The following PARN variants were observed in gnomAD, a reference collection of about 807,000 sequenced individuals.
PARN encodes poly(A)-specific ribonuclease.
In PARN, 71 loss-of-function variants were observed where a neutral mutation model predicts 102.8. The observed-to-expected ratio is 0.69, with a 90% CI of 0.57 to 0.84. The LOEUF (loss-of-function observed/expected upper bound fraction) is 0.84. PARN is among the 40% of genes least tolerant of loss of function. The pLI, the probability that PARN is intolerant of heterozygous loss-of-function variation, is 0.00. For missense variants in PARN, 782 were observed against 760.9 expected (o/e 1.03, Z -0.33); for synonymous variants, 261 against 252.9 (o/e 1.03, Z -0.30).
intron 3 of PARN, 148 bp downstream of exon 3, chr16:14,628,024 A>G (rs533733456): frequency 3.9e-6 from 1 of 257,234 alleles, no homozygotes; most frequent in African/African-American, 2.4e-5. Context: ...AAGACAAAAC[A>G]AAAAAAAAAA....
chr16:14,584,657 C>T (rs1005180721), intron 15 of PARN, 92 bp downstream of exon 15: 1 of 937,374 alleles, frequency 1.1e-6, no homozygotes. Context: ...CATTAAATAC[C>T]TCCAAACCTT....
chr16:14,564,407 G>A (rs922241565), intron 18 of PARN, among the ~76,000 whole-genome samples: 2 of 152,202 alleles, frequency 1.3e-5, no homozygotes, highest in African/African-American at 2.4e-5. Flanking sequence ...AAGGCAACAG[G>A]AACAACACGC....
rs1963397145 is a variant in PARN, at chr16:14,481,758, C to T, written c.1670+880G>A. 3.3e-5 allele frequency among the ~76,000 whole-genome samples: 5 copies of T among 152,092 alleles called. No homozygotes were observed. The South Asian group carries it at 8.3e-4, about 25-fold the overall frequency. On this transcript the variant is annotated intron_variant, in intron 22 of 23. Coordinates refer to ENST00000437198, the MANE Select transcript of PARN (RefSeq NM_002582.4). ...TTTTCTCTTGTTAATTCACATTGTT[C>T]TAAACTTCACAATTTTCTATAATGA...
chr16:14,625,419 C>T (rs998143724), intron 5 of PARN, among the ~76,000 whole-genome samples: 3 of 152,100 alleles, frequency 2.0e-5, no homozygotes, highest in Non-Finnish European at 4.4e-5. Flanking sequence ...ATCGCTTCCA[C>T]CCAGGAGGCA....
chr16:14,584,475 A>T (rs1969721762), intron 15 of PARN, 53 bp from the exon 16 acceptor site: 3 of 1,417,678 alleles, frequency 2.1e-6, no homozygotes. Flanking sequence ...AGAACAATAT[A>T]TTAAAGAGAT....
chr16:14,452,460 T>C (rs1012304539), intron 22 of PARN, among the ~76,000 whole-genome samples: 1 of 152,162 alleles, frequency 6.6e-6, no homozygotes, highest in Non-Finnish European at 1.5e-5. Context: ...GTAACCTCCA[T>C]CTCCATGGTT....
chr16:14,457,797 CAAAAAAAAAAAA>C lies in PARN; in HGVS notation c.1671-10728_1671-10717del, dbSNP rs35170336. Among the ~76,000 whole-genome samples the C allele has an allele frequency of 8.0e-4, 24 of 30,160 alleles. No homozygotes were observed. The East Asian group carries it at 0.019, about 24-fold the overall frequency. The allele number at this position is 30,160 out of a possible 152,430, so 19.8% of individuals were successfully genotyped here. A position where few individuals can be genotyped will look rare whatever the true frequency, so the allele number is the denominator to read the frequency against. On this transcript the variant is annotated intron_variant, in intron 22 of 23. Transcript: ENST00000437198. ...TGGGGGACACAGTGAGACTCTGTCT[CAAAAAAAAAAAA>C]AAAAAAAAAAAAAAAAGAGTCTGTA...
chr16:14,610,574 G>C (rs1489507744), intron 7 of PARN, 70 bp downstream of exon 7: 3 of 904,496 alleles, frequency 3.3e-6, no homozygotes, highest in Non-Finnish European at 5.5e-6. Context: ...GCACAGGTTT[G>C]AGATATAGAT....
chr16:14,519,502 T>C (rs1364514279), intron 21 of PARN, among the ~76,000 whole-genome samples: 1 of 152,142 alleles, frequency 6.6e-6, no homozygotes, highest in African/African-American at 2.4e-5. Context: ...TTTGTAGAAG[T>C]GCTGATTCCA....
chr16:14,506,273 A>T (rs1025360088), intron 21 of PARN, among the ~76,000 whole-genome samples: 3 of 152,272 alleles, frequency 2.0e-5, no homozygotes, highest in African/African-American at 7.2e-5. Flanking sequence ...ATTAAAGGAG[A>T]CTAAAGACTA....
chr16:14,528,273 A>G (rs942951180), intron 21 of PARN, among the ~76,000 whole-genome samples: 1 of 152,140 alleles, frequency 6.6e-6, no homozygotes, highest in African/African-American at 2.4e-5. Context: ...CTGAAGTGGG[A>G]CCCCCACAAG....
rs150202084 is a variant in PARN at position 14,533,421 on chromosome 16, C to CGGAGAG, written c.1480+18594_1480+18599dup. On this transcript the variant is annotated intron_variant, in intron 21 of 23. Coordinates refer to ENST00000437198, the MANE Select transcript of PARN (RefSeq NM_002582.4). ...GAAAGAGAGGGAGACCGTGGGGAGA[C>CGGAGAG]GGAGAGGGAGAGGGAGAGGGAGAGG... 3.0e-3 allele frequency among the ~76,000 whole-genome samples: 72 copies of CGGAGAG among 24,004 alleles called. 1 individual carries two copies. Among genetic ancestry groups the CGGAGAG allele is most frequent in the Admixed American group, 3.5e-3 (6 of 1,728 alleles). 15.7% of individuals were successfully genotyped at this position (24,004 alleles called of 152,430 possible). A position where few individuals can be genotyped will look rare whatever the true frequency, so the allele number is the denominator to read the frequency against.
At chr16:14,597,613 C>T (rs1461274036) in intron 12 of PARN, among the ~76,000 whole-genome samples, 3 of 151,798 alleles carry the variant, frequency 2.0e-5, no homozygotes, top group Admixed American at 1.3e-4. Flanking sequence ...AGGAGAATGG[C>T]GTGAACCCAG....
intron 5 of PARN, among the ~76,000 whole-genome samples, chr16:14,625,884 A>G (rs1209310207): frequency 2.6e-5 from 4 of 152,230 alleles, no homozygotes. Context: ...TAAGGGAGAA[A>G]AGATTAAGAC....
At chr16:14,472,885 T>C (rs950884770) in intron 22 of PARN, among the ~76,000 whole-genome samples, 6 of 152,206 alleles carry the variant, frequency 3.9e-5, no homozygotes, top group Admixed American at 6.5e-5. Flanking sequence ...ATGCAACTTT[T>C]TTTCTCTACA....
chr16:14,482,663 G>T lies in PARN; in HGVS notation c.1645C>A (p.Gln549Lys). The T allele has an allele frequency of 6.2e-7, 1 of 1,607,858 alleles. No homozygotes were observed. Among genetic ancestry groups the T allele is most frequent in the South Asian group, 1.1e-5 (1 of 89,594 alleles). ...LNPQCIPYTL[Q>K]NHYYRNNSFT... ...CTATTGTTGCGGTAATAGTGATTCT[G>T]CAGGGTGTAGGGTATGCACTGGGGG... Residue 549 changes from glutamine to lysine, a missense_variant, in exon 22 of 24, where the codon CAG becomes AAG. Coordinates refer to ENST00000437198, the MANE Select transcript of PARN (RefSeq NM_002582.4).
At chr16:14,604,534 T>A (rs1971070110) in intron 10 of PARN, among the ~76,000 whole-genome samples, 1 of 152,156 alleles carries the variant, frequency 6.6e-6, no homozygotes, top group African/African-American at 2.4e-5. Flanking sequence ...GTGCTGGGAT[T>A]ACAGGTGTGA....
In PARN at chr16:14,543,326, C is replaced by T. The variant is rs1240664193; in HGVS notation, c.1480+8695G>A. 2.0e-5 allele frequency among the ~76,000 whole-genome samples: 3 copies of T among 152,274 alleles called. No homozygotes were observed. In the East Asian group the frequency reaches 5.8e-4, roughly 29 times the overall value. On this transcript the variant is annotated intron_variant, in intron 21 of 23. Coordinates refer to ENST00000437198, the MANE Select transcript of PARN (RefSeq NM_002582.4). Reference sequence around the variant, plus strand: ...AATACAAGAAATACTAAAGTAAATTCACAAAGCTGAAGGAAAAGGATACCA... The same window carrying T: ...AATACAAGAAATACTAAAGTAAATTTACAAAGCTGAAGGAAAAGGATACCA...
chr16:14,574,204 T>C (rs897268817), intron 18 of PARN, among the ~76,000 whole-genome samples: 3 of 151,872 alleles, frequency 2.0e-5, no homozygotes, highest in African/African-American at 7.2e-5. Context: ...AAGGTGACCC[T>C]TGTTATGTTT....
Sources: gnomAD v4.1 joint callset for allele counts (sites outside exome capture counted in the v4.1 genomes callset) on GRCh38, gnomAD v4.1.1 for gene constraint, MANE v1.5 for transcripts, NCBI Gene and HGNC (gene_info 2026-07-23, HGNC 2026-07-21) for gene names.